SPTB: variants seen among roughly 807,000 people sequenced by gnomAD.
SPTB encodes the protein spectrin beta, erythrocytic.
Under a neutral mutation model 256.2 loss-of-function variants are expected in SPTB, and 45 were observed. That is an observed-to-expected ratio of 0.18 (90% CI 0.14 to 0.23). The LOEUF is 0.23. SPTB is among the 10% of genes least tolerant of loss of function. The pLI is 1.00. For missense variants in SPTB, 2,715 were observed against 3,040.4 expected, an observed-to-expected ratio of 0.89 and a Z score of 2.52; for synonymous variants, 1,231 against 1,243.1, an observed-to-expected ratio of 0.99 and a Z score of 0.21.
At position 64,771,006 on chromosome 14, in the gene SPTB, C is replaced by T. The variant is rs2082271255; in HGVS notation, c.5677G>A (p.Ala1893Thr). The T allele has an allele frequency of 6.2e-7, 1 of 1,614,168 alleles. No homozygotes were observed. Among genetic ancestry groups the T allele is most frequent in the Non-Finnish European group, 8.5e-7 (1 of 1,180,050 alleles). ...AAWQALLDAC[A>T]GRRTQLVDTA... ...TCCACTAGCTGGGTCCGGCGCCCGG[C>T]ACAGGCATCGAGCAGCGCCTGCCAC... The change falls in exon 27 of 36, where the codon GCC (alanine) becomes ACC (threonine). Residue 1893 changes from alanine to threonine, a missense_variant. Transcript: ENST00000644917.
At position 64,782,551 on chromosome 14, in the gene SPTB, T is replaced by A; in HGVS notation, c.4005A>T (p.Glu1335Asp). The A allele has an allele frequency of 6.2e-7, 1 of 1,613,710 alleles. No homozygotes were observed. The highest frequency in any genetic ancestry group is 8.5e-7 in the Non-Finnish European group (1 of 1,180,012). Residue 1335 changes from glutamate to aspartate, a missense_variant and splice_region_variant, in exon 20 of 36, where the codon GAA becomes GAT. This residue lies in a region of SPTB where 2,239 missense variants were observed against 2,384.4 expected (regional missense o/e 0.94). Coordinates refer to ENST00000644917, the MANE Select transcript of SPTB (RefSeq NM_001355436.2). ...GCTTCTCATCCATCAGCTGCTTTCCTTCCTAGGGGCAAGAAGGAGGAGAGC... is the reference window on the plus strand; with the variant it reads ...GCTTCTCATCCATCAGCTGCTTTCCATCCTAGGGGCAAGAAGGAGGAGAGC... The part of the protein sequence containing the change: ...HEGWLENIDA[E>D]GKQLMDEKPQ...
rs1396852857 is a variant in SPTB, at chr14:64,771,106, G to A, written c.5577C>T (p.Ala1859=). The change falls in exon 27 of 36, where the codon GCC becomes GCT. Residue 1859 remains alanine, a synonymous_variant. Transcript: ENST00000644917. The stretch of plus-strand genomic sequence containing the variant: ...CAGCATATGCTGTCTGCAGACGGGT[G>A]GCCACGTCCTGGAACTGCTGCACCT... ...GVQVQQFQDV[A]TRLQTAYAGE... 11 of 1,613,842 alleles carry A rather than the reference G, an allele frequency of 6.8e-6. No individual in the cohort carries two copies. The highest frequency in any genetic ancestry group is 8.5e-6 in the Non-Finnish European group (10 of 1,180,052).
intron 32 of SPTB, chr14:64,763,641 G>A (rs548534352): frequency 4.1e-6 from 2 of 487,800 alleles, no homozygotes; most frequent in Non-Finnish European, 8.4e-6. Context: ...CTCAAATCAC[G>A]CAGGAAGTTA....
intron 15 of SPTB, among the ~76,000 whole-genome samples, chr14:64,789,925 G>A (rs531095756): frequency 1.3e-5 from 2 of 152,282 alleles, no homozygotes; most frequent in African/African-American, 4.8e-5. Flanking sequence ...GGCATGAGGC[G>A]ACACTGGGGG....
rs1202958779 is a variant in SPTB at position 64,786,050 on chromosome 14, G to A, written c.3562-99C>T. 27 of 1,229,894 alleles carry A rather than the reference G, an allele frequency of 2.2e-5. No individual in the cohort carries two copies. The highest frequency in any genetic ancestry group is 4.4e-5 in the African/African-American group (3 of 67,434). 76.2% of individuals were successfully genotyped at this position (1,229,894 alleles called of 1,614,324 possible). On this transcript the variant is annotated intron_variant, in intron 16 of 35. Coordinates refer to ENST00000644917, the MANE Select transcript of SPTB (RefSeq NM_001355436.2). This position sits in a 1 kb window ranked among gnomAD's most constrained non-coding sequence, Gnocchi z 5.6. ...CACCACGTGCAGCCACACAGGCCAC[G>A]GTATGAATGAGCCCCCTAGAGTAGT...
At chr14:64,768,634 C>T (rs2082228282) in intron 29 of SPTB, among the ~76,000 whole-genome samples, 2 of 151,962 alleles carry the variant, frequency 1.3e-5, no homozygotes, top group South Asian at 4.2e-4. Flanking sequence ...TTCCTCAGAG[C>T]CTTACCCCAA....
Position 64,775,047 on chromosome 14 carries a change from A to G in SPTB, c.4842+78T>C. ...CACTCCTCACACAGTTGGACTCACA[A>G]GGCTCCCTACCGACAGCCAACCTCA... On this transcript the variant is annotated intron_variant, in intron 23 of 35. Coordinates refer to ENST00000644917, the MANE Select transcript of SPTB (RefSeq NM_001355436.2). The surrounding 1 kb of genome is among the most constrained non-coding windows in gnomAD (Gnocchi z 5.0). The G allele has an allele frequency of 2.5e-6, 4 of 1,598,376 alleles. No homozygotes were observed. Among genetic ancestry groups the G allele is most frequent in the Middle Eastern group, 1.8e-4 (1 of 5,500 alleles).
At chr14:64,869,273 C>A (rs1002674209) in intron 1 of SPTB, among the ~76,000 whole-genome samples, 14 of 152,160 alleles carry the variant, frequency 9.2e-5, no homozygotes, top group Admixed American at 8.5e-4. Flanking sequence ...TAAATGTTGA[C>A]TTACTGTTAT....
At chr14:64,788,764 T>G (rs1028284696) in intron 15 of SPTB, among the ~76,000 whole-genome samples, 2 of 152,132 alleles carry the variant, frequency 1.3e-5, no homozygotes, top group African/African-American at 4.8e-5. Context: ...AAACCTACAC[T>G]TGCCCCCTCC....
intron 32 of SPTB, 114 bp downstream of exon 32, chr14:64,766,612 A>G: frequency 6.2e-7 from 1 of 1,608,400 alleles, no homozygotes; most frequent in Non-Finnish European, 8.5e-7. Flanking sequence ...GGGAGGATGG[A>G]GGGCGGGGCT....
Position 64,845,800 on chromosome 14 carries a change from G to T in SPTB, c.-51-22655C>A, listed in dbSNP as rs1410324479. 6.6e-6 allele frequency among the ~76,000 whole-genome samples: 1 copy of T among 152,014 alleles called. No homozygotes were observed. Among genetic ancestry groups the T allele is most frequent in the Non-Finnish European group, 1.5e-5 (1 of 68,000 alleles). ...TTCATTGTTGAGTCAAATTATTTTC[G>T]ACTCTTTTAAAATGTTATCATTTTA... On this transcript the variant is annotated intron_variant, in intron 1 of 35. Transcript: ENST00000644917. The surrounding 1 kb of genome is among the most constrained non-coding windows in gnomAD (Gnocchi z 4.8).
chr14:64,749,346 T>C lies in SPTB; in HGVS notation c.6947A>G (p.Asp2316Gly), dbSNP rs768065442. 1.6e-5 allele frequency: 25 copies of C among 1,610,252 alleles called. No individual in the cohort carries two copies. The East Asian group carries it at 4.9e-4, about 32-fold the overall frequency. Residue 2316 changes from aspartate to glycine, a missense_variant, in exon 36 of 36, where the codon GAC (aspartate) becomes GGC (glycine). Around this residue, in one of 4 missense-constraint regions of SPTB, gnomAD observed 2,239 missense variants for 2,384.4 expected, o/e 0.94. Coordinates refer to ENST00000644917, the MANE Select transcript of SPTB (RefSeq NM_001355436.2). The surrounding 1 kb of genome is among the most constrained non-coding windows in gnomAD (Gnocchi z 4.7). ...GAAGAAGCTGAATCTCTTCTCCTTG[T>C]CTTTCTTGCCGAGGCTGGCGTCGGG... Reference protein sequence around the residue: ...SGPDASLGKKDKEKRFSFFPK... With the variant: ...SGPDASLGKKGKEKRFSFFPK...
intron 29 of SPTB, among the ~76,000 whole-genome samples, chr14:64,768,494 GC>G (rs5809250): frequency 1 from 152,332 of 152,336 alleles, 76,164 homozygotes; most frequent in Non-Finnish European, 1. Context: ...GTGGCCAGGG[GC>G]ACCAGTTGGC....
intron 32 of SPTB, 55 bp from the exon 33 acceptor site, chr14:64,753,848 G>T: frequency 1.9e-6 from 3 of 1,602,926 alleles, no homozygotes; most frequent in Non-Finnish European, 2.5e-6. Flanking sequence ...CTTAGAGATG[G>T]CTGTTCTCAG....
intron 2 of SPTB, among the ~76,000 whole-genome samples, chr14:64,818,930 G>C (rs1029622715): frequency 2.6e-5 from 4 of 152,326 alleles, no homozygotes; most frequent in Admixed American, 2.0e-4. Context: ...TCAAAAGAGA[G>C]AAGCATGGTC....
Position 64,782,464 on chromosome 14 carries a change from C to T in SPTB, c.4092G>A (p.Leu1364=). ...LEALHRLWDE[L]QATTKEKTQH... is the part of the protein sequence containing the mutation. ...GGGTCTTCTCCTTTGTGGTGGCCTGCAGCTCGTCCCAGAGCCGGTGCAGGG... is the reference window on the plus strand; with the variant it reads ...GGGTCTTCTCCTTTGTGGTGGCCTGTAGCTCGTCCCAGAGCCGGTGCAGGG... The change falls in exon 20 of 36, where the codon CTG becomes CTA. Residue 1364 remains leucine, a synonymous_variant. Transcript: ENST00000644917. 1 of 1,614,100 alleles carries T rather than the reference C, an allele frequency of 6.2e-7. No homozygotes were observed. Among genetic ancestry groups the T allele is most frequent in the Non-Finnish European group, 8.5e-7 (1 of 1,180,034 alleles).
At chr14:64,868,467 G>C (rs1311054030) in intron 1 of SPTB, among the ~76,000 whole-genome samples, 2 of 152,190 alleles carry the variant, frequency 1.3e-5, no homozygotes, top group African/African-American at 4.8e-5. Context: ...TGGTGAGCTT[G>C]AGACATCTCT....
intron 1 of SPTB, among the ~76,000 whole-genome samples, chr14:64,875,342 T>C (rs1410437143): frequency 6.6e-6 from 1 of 152,154 alleles, no homozygotes; most frequent in South Asian, 2.1e-4. Flanking sequence ...TGGCTGAAAA[T>C]GGAAGAATGT....
rs188733932 is a variant in SPTB at position 64,767,118 on chromosome 14, G to A, written c.6269+185C>T. Among the ~76,000 whole-genome samples the A allele has an allele frequency of 5.5e-3, 837 of 152,254 alleles. 8 individuals carry two copies. Among genetic ancestry groups the A allele is most frequent in the African/African-American group, 0.019 (803 of 41,544 alleles). ...TCCTCCCGCACCAGGCCTTCAGCCC[G>A]CCTGTGACTGGGGAAGCAAAAGGTC... On this transcript the variant is annotated intron_variant, in intron 31 of 35. Transcript: ENST00000644917.
Sources: gnomAD v4.1 joint callset for allele counts (sites outside exome capture counted in the v4.1 genomes callset) on GRCh38, gnomAD v4.1.1 for gene constraint, gnomAD v4.1.1 regional missense constraint, Gnocchi (gnomAD v3.1) non-coding constraint, MANE v1.5 for transcripts, NCBI Gene and HGNC (gene_info 2026-07-23, HGNC 2026-07-21) for gene names.